ASTN2: variants seen among roughly 807,000 people sequenced by gnomAD.
ASTN2 encodes the protein astrotactin 2, also known as astrotactin-2.
In ASTN2, 54 loss-of-function variants were observed where a neutral mutation model predicts 139.8. The observed-to-expected ratio is 0.39, with a 90% CI of 0.31 to 0.48. The LOEUF (loss-of-function observed/expected upper bound fraction) is 0.48, where lower values mean the gene tolerates loss of function less well. Among genes scored for constraint, ASTN2 ranks in the 20% least tolerant of loss-of-function variants. The pLI is 0.95. For synonymous variants in ASTN2, 756 were observed against 719.5 expected, an observed-to-expected ratio of 1.05 and a Z score of -0.81; for missense variants, 1,565 against 1,725.1, an observed-to-expected ratio of 0.91 and a Z score of 1.64.
chr9:117,158,623 T>C (rs1426148893), intron 3 of ASTN2, among the ~76,000 whole-genome samples: 2 of 151,978 alleles, frequency 1.3e-5, no homozygotes, highest in African/African-American at 2.4e-5. Flanking sequence ...AGTGAGTGCA[T>C]GGCAGAAGGG....
At chr9:116,775,232 A>G (rs984065039) in intron 13 of ASTN2, among the ~76,000 whole-genome samples, 6 of 152,060 alleles carry the variant, frequency 3.9e-5, no homozygotes, top group East Asian at 1.9e-4. Flanking sequence ...AAAAGGCCCA[A>G]TTACAACCTC....
chr9:116,723,202 A>T (rs2132112838), intron 16 of ASTN2, among the ~76,000 whole-genome samples: 1 of 152,240 alleles, frequency 6.6e-6, no homozygotes, highest in Middle Eastern at 3.4e-3. Flanking sequence ...CACATTAGCA[A>T]GGTATGGAGC....
At chr9:116,852,322 C>T (rs977528030) in intron 11 of ASTN2, among the ~76,000 whole-genome samples, 2 of 152,304 alleles carry the variant, frequency 1.3e-5, no homozygotes, top group Middle Eastern at 3.4e-3. Flanking sequence ...ATTAGAGGGG[C>T]TCAGATACAT....
At chr9:117,360,302 A>C (rs1829656504) in intron 1 of ASTN2, among the ~76,000 whole-genome samples, 1 of 152,168 alleles carries the variant, frequency 6.6e-6, no homozygotes, top group South Asian at 2.1e-4. Context: ...TTAAATAGGT[A>C]ATGAGGGTGA....
chr9:116,677,584 G>A lies in ASTN2; in HGVS notation c.2807-25791C>T, dbSNP rs144367003. 8.1e-3 allele frequency among the ~76,000 whole-genome samples: 1,230 copies of A among 152,136 alleles called. 19 individuals are homozygous for A. The highest frequency in any genetic ancestry group is 0.029 in the African/African-American group (1,189 of 41,436). The stretch of plus-strand genomic sequence containing the variant: ...GAAGCATGCTATTGGCCACCTGGAA[G>A]ATAAGGAAACACCCCCACCCCCCAC... On this transcript the variant is annotated intron_variant, in intron 16 of 22. Coordinates refer to ENST00000313400, the MANE Select transcript of ASTN2 (RefSeq NM_001365068.1).
intron 13 of ASTN2, among the ~76,000 whole-genome samples, chr9:116,742,647 G>C (rs1378803737): frequency 6.6e-6 from 1 of 152,144 alleles, no homozygotes; most frequent in Non-Finnish European, 1.5e-5. Flanking sequence ...TCCTGGGAGA[G>C]GGTAGCAGTA....
intron 1 of ASTN2, among the ~76,000 whole-genome samples, chr9:117,343,141 G>T (rs1317047724): frequency 1.3e-5 from 2 of 152,154 alleles, no homozygotes; most frequent in African/African-American, 4.8e-5. Context: ...TTCTCTAGAG[G>T]CTCTAGGGGA....
rs151100716 is a variant in ASTN2, at chr9:116,785,892, T to C, written c.2396+19740A>G. The stretch of plus-strand genomic sequence containing the variant: ...CACACCCCAGTCAGATTATAGACCT[T>C]TTCTGCTCAAATAATGCACTAGCTT... On this transcript the variant is annotated intron_variant, in intron 13 of 22. Coordinates refer to ENST00000313400, the MANE Select transcript of ASTN2 (RefSeq NM_001365068.1). Among the ~76,000 whole-genome samples, 42 of 152,296 alleles carry C rather than the reference T, an allele frequency of 2.8e-4. No individual in the cohort carries two copies. In the South Asian group the frequency reaches 4.4e-3, roughly 16 times the overall value.
intron 7 of ASTN2, among the ~76,000 whole-genome samples, chr9:116,979,940 G>A (rs1257917085): frequency 1.3e-5 from 2 of 152,142 alleles, no homozygotes; most frequent in African/African-American, 2.4e-5. Flanking sequence ...TCCTCCTTGT[G>A]CACTTACCAG....
intron 7 of ASTN2, among the ~76,000 whole-genome samples, chr9:116,996,001 A>G (rs7034049): frequency 0.23 from 34,341 of 151,836 alleles, 4,257 homozygotes; most frequent in African/African-American, 0.33. Flanking sequence ...CACCATGCCC[A>G]GCTAATTTTC....
intron 7 of ASTN2, among the ~76,000 whole-genome samples, chr9:116,990,155 G>C (rs1836810675): frequency 6.6e-6 from 1 of 152,120 alleles, no homozygotes; most frequent in South Asian, 2.1e-4. Context: ...CCTTCTTTAA[G>C]GTTCAATATG....
rs774511117 is a variant in ASTN2, at chr9:116,697,766, C to A, written c.2806+28005G>T. 16 of 1,614,002 alleles carry A rather than the reference C, an allele frequency of 9.9e-6. No individual in the cohort carries two copies. The highest frequency in any genetic ancestry group is 5.0e-5 in the Admixed American group (3 of 60,004). ...CAATGGCTGCAGCAGCAGCTTCTCA[C>A]CTGAACCTGGATGCCCTCCGGGAAG... On this transcript the variant is annotated intron_variant, in intron 16 of 22. Coordinates refer to ENST00000313400, the MANE Select transcript of ASTN2 (RefSeq NM_001365068.1).
intron 4 of ASTN2, among the ~76,000 whole-genome samples, chr9:117,120,456 C>T (rs1049661150): frequency 6.6e-6 from 1 of 152,116 alleles, no homozygotes; most frequent in Non-Finnish European, 1.5e-5. Flanking sequence ...TTTATTTGGA[C>T]AATCATACAC....
At chr9:116,488,995 C>T (rs1849425430) in intron 19 of ASTN2, among the ~76,000 whole-genome samples, 2 of 152,138 alleles carry the variant, frequency 1.3e-5, no homozygotes, top group South Asian at 4.1e-4. Flanking sequence ...TTATACCGCA[C>T]AGTATAAAAT....
At chr9:116,437,372 G>A (rs1315825511) in intron 22 of ASTN2, 7 of 471,200 alleles carry the variant, frequency 1.5e-5, no homozygotes, top group Non-Finnish European at 3.1e-5. Context: ...TGGGATGTTG[G>A]AGCAATCTCA....
chr9:116,539,331 T>C (rs1179105748), intron 19 of ASTN2, among the ~76,000 whole-genome samples: 1 of 151,666 alleles, frequency 6.6e-6, no homozygotes. Context: ...GGTGAAGTTG[T>C]ATGGTATGTA....
At chr9:116,941,613 C>T (rs1228056931) in intron 10 of ASTN2, among the ~76,000 whole-genome samples, 22 of 148,246 alleles carry the variant, frequency 1.5e-4, no homozygotes, top group Admixed American at 1.5e-3. Flanking sequence ...AAAAAAACAA[C>T]TTCACAGAAA....
chr9:117,389,508 C>T (rs912833867), intron 1 of ASTN2, among the ~76,000 whole-genome samples: 1 of 152,148 alleles, frequency 6.6e-6, no homozygotes. Context: ...TTTCTGTGGT[C>T]TGTAGCCCTT....
At chr9:116,590,584 TC>T (rs765606993) in intron 19 of ASTN2, among the ~76,000 whole-genome samples, 50 of 152,016 alleles carry the variant, frequency 3.3e-4, no homozygotes, top group Non-Finnish European at 3.5e-4. Context: ...AAGGGGCAGG[TC>T]CCCAGTGCAG....
Sources: gnomAD v4.1 joint callset for allele counts (sites outside exome capture counted in the v4.1 genomes callset) on GRCh38, gnomAD v4.1.1 for gene constraint, MANE v1.5 for transcripts, NCBI Gene and HGNC (gene_info 2026-07-23, HGNC 2026-07-21) for gene names.